Variants in CNTNAP5 observed in about 807,000 individuals in gnomAD.
The protein encoded by CNTNAP5 is contactin-associated protein-like 5.
In CNTNAP5, 72 loss-of-function variants were observed where a neutral mutation model predicts 150.2. The observed-to-expected ratio is 0.48, with a 90% CI of 0.40 to 0.58. CNTNAP5 has a LOEUF of 0.58. Among genes scored for constraint, CNTNAP5 ranks in the 20% least tolerant of loss-of-function variants. The pLI is 0.00. For synonymous variants in CNTNAP5, 672 were observed against 619.8 expected, an observed-to-expected ratio of 1.08 and a Z score of -1.25; for missense variants, 1,636 against 1,626.2, an observed-to-expected ratio of 1.01 and a Z score of -0.10.
chr2:124,515,171 C>T (rs1483024373), intron 8 of CNTNAP5, among the ~76,000 whole-genome samples: 1 of 152,176 alleles, frequency 6.6e-6, no homozygotes, highest in Admixed American at 6.5e-5. Flanking sequence ...ATGGCTAATG[C>T]TCACATGAGG....
chr2:124,435,687 T>C (rs545054000), intron 5 of CNTNAP5, among the ~76,000 whole-genome samples: 27 of 152,292 alleles, frequency 1.8e-4, no homozygotes, highest in Middle Eastern at 6.8e-3. Flanking sequence ...CATGGAAGAC[T>C]GACAAAAATC....
At chr2:124,737,380 A>G (rs1321486904) in intron 13 of CNTNAP5, among the ~76,000 whole-genome samples, 1 of 152,020 alleles carries the variant, frequency 6.6e-6, no homozygotes, top group Non-Finnish European at 1.5e-5. Flanking sequence ...TAATTTCAGG[A>G]CCCAGTGAAA....
chr2:124,587,873 G>C (rs2104955961), intron 11 of CNTNAP5, among the ~76,000 whole-genome samples: 1 of 152,160 alleles, frequency 6.6e-6, no homozygotes, highest in African/African-American at 2.4e-5. Flanking sequence ...AAAAAAGTAA[G>C]ATTACTAGGA....
intron 13 of CNTNAP5, among the ~76,000 whole-genome samples, chr2:124,732,940 G>A (rs1185152020): frequency 6.6e-6 from 1 of 152,132 alleles, no homozygotes; most frequent in Non-Finnish European, 1.5e-5. Flanking sequence ...AACAACAGTG[G>A]ATTAGTTGTT....
intron 1 of CNTNAP5, among the ~76,000 whole-genome samples, chr2:124,149,492 C>T (rs1684351971): frequency 6.6e-6 from 1 of 150,736 alleles, no homozygotes; most frequent in African/African-American, 2.4e-5. Context: ...AACACACTGG[C>T]TTTACAGTTG....
chr2:124,090,824 G>C (rs1248456154), intron 1 of CNTNAP5, among the ~76,000 whole-genome samples: 2 of 152,202 alleles, frequency 1.3e-5, no homozygotes, highest in Admixed American at 6.5e-5. Context: ...CTGAGACTTT[G>C]AGAAGCTGAA....
chr2:124,399,859 CT>C (rs567802146), intron 3 of CNTNAP5, among the ~76,000 whole-genome samples: 132 of 152,186 alleles, frequency 8.7e-4, no homozygotes, highest in African/African-American at 3.0e-3. Context: ...TATTATTTGC[CT>C]CTCTGAAGCA....
chr2:124,461,886 G>GT (rs1693265455), intron 6 of CNTNAP5, among the ~76,000 whole-genome samples: 3 of 143,882 alleles, frequency 2.1e-5, no homozygotes, highest in African/African-American at 2.6e-5. Context: ...AAAAAAAGTC[G>GT]TTTTTTATCA....
intron 1 of CNTNAP5, among the ~76,000 whole-genome samples, chr2:124,031,646 C>A (rs1286781567): frequency 6.6e-6 from 1 of 152,090 alleles, no homozygotes; most frequent in Non-Finnish European, 1.5e-5. Flanking sequence ...GGAAGCCTCT[C>A]CATCCACTGA....
At chr2:124,094,825 G>C (rs1682897511) in intron 1 of CNTNAP5, among the ~76,000 whole-genome samples, 1 of 152,120 alleles carries the variant, frequency 6.6e-6, no homozygotes, top group Non-Finnish European at 1.5e-5. Flanking sequence ...TCTCCAGATT[G>C]GTGCTGCTCA....
chr2:124,624,361 A>G (rs1350997149), intron 12 of CNTNAP5, among the ~76,000 whole-genome samples: 1 of 152,182 alleles, frequency 6.6e-6, no homozygotes, highest in East Asian at 1.9e-4. Flanking sequence ...TGTGATTTTA[A>G]TTCATTTACT....
chr2:124,357,939 G>A (rs1411719279), intron 3 of CNTNAP5, among the ~76,000 whole-genome samples: 1 of 150,824 alleles, frequency 6.6e-6, no homozygotes, highest in South Asian at 2.1e-4. Flanking sequence ...CTACCCATGA[G>A]CATGGAATGT....
intron 13 of CNTNAP5, among the ~76,000 whole-genome samples, chr2:124,704,899 T>C (rs1267553817): frequency 1.3e-5 from 2 of 152,108 alleles, no homozygotes; most frequent in African/African-American, 4.8e-5. Context: ...TTAATTCCCT[T>C]ACCCCTTCAA....
intron 3 of CNTNAP5, among the ~76,000 whole-genome samples, chr2:124,261,386 C>T (rs1011890532): frequency 5.9e-5 from 9 of 152,148 alleles, no homozygotes; most frequent in Non-Finnish European, 8.8e-5. Flanking sequence ...GAGAACACGT[C>T]GCACTTTATT....
chr2:124,029,366 G>A (rs996399486), intron 1 of CNTNAP5, among the ~76,000 whole-genome samples: 9 of 152,154 alleles, frequency 5.9e-5, no homozygotes, highest in Non-Finnish European at 1.0e-4. Flanking sequence ...ACAAGTAAAG[G>A]AAGCACTCCA....
chr2:124,251,016 C>A (rs1367153402), intron 3 of CNTNAP5, among the ~76,000 whole-genome samples: 5 of 152,040 alleles, frequency 3.3e-5, no homozygotes, highest in Non-Finnish European at 7.4e-5. Flanking sequence ...GTAGAGAGTG[C>A]AAACAAAATA....
intron 1 of CNTNAP5, among the ~76,000 whole-genome samples, chr2:124,184,296 C>T (rs759331402): frequency 1.3e-5 from 2 of 152,106 alleles, no homozygotes; most frequent in Non-Finnish European, 2.9e-5. Context: ...ACCATATATG[C>T]CCCTCCCCAG....
At chr2:124,450,762 C>T (rs1359564331) in intron 6 of CNTNAP5, among the ~76,000 whole-genome samples, 1 of 151,678 alleles carries the variant, frequency 6.6e-6, no homozygotes, top group African/African-American at 2.4e-5. Context: ...TAGTTCTTTT[C>T]TAACATTTTT....
chr2:124,274,219 T>A (rs771908576), intron 3 of CNTNAP5, among the ~76,000 whole-genome samples: 5 of 152,176 alleles, frequency 3.3e-5, no homozygotes. Flanking sequence ...GCACTAGCCA[T>A]AGGTCAGGTG....
Sources: allele counts gnomAD v4.1 joint callset (sites outside exome capture counted in the v4.1 genomes callset), GRCh38; gene constraint gnomAD v4.1.1; transcripts MANE v1.5; gene names NCBI Gene and HGNC (gene_info 2026-07-23, HGNC 2026-07-21).